The following NPSR1 variants were observed in gnomAD, a reference collection of about 807,000 sequenced individuals.
The protein encoded by NPSR1 is neuropeptide S receptor 1.
A neutral mutation model predicts 46.9 loss-of-function variants in NPSR1; 48 were observed. The observed-to-expected ratio is 1.02, with a 90% CI of 0.81 to 1.30. The LOEUF (loss-of-function observed/expected upper bound fraction) is 1.30. NPSR1 is among the 50% of genes most tolerant of loss of function. The pLI is 0.00. For missense variants in NPSR1, 450 were observed against 449.5 expected (o/e 1.00, Z -0.01); for synonymous variants, 176 against 168.1 (o/e 1.05, Z -0.36).
intron 4 of NPSR1, among the ~76,000 whole-genome samples, chr7:34,821,127 CTTTTTTTTTTTTT>C (rs35086136): frequency 1.1e-5 from 1 of 94,854 alleles, no homozygotes; most frequent in African/African-American, 4.0e-5. Flanking sequence ...TTGTGATACA[CTTTTTTTTTTTTT>C]TTTTTTTTTT....
intron 2 of NPSR1, among the ~76,000 whole-genome samples, chr7:34,694,966 T>C (rs1583825340): frequency 6.6e-6 from 1 of 152,114 alleles, no homozygotes; most frequent in Admixed American, 6.6e-5. Context: ...CCTCAGCCTC[T>C]CAAAGTGCTG....
In NPSR1 at chr7:34,849,685, G is replaced by C; in HGVS notation, c.*30G>C. Reference sequence around the variant, plus strand: ...TAGGGCAGTGCCAGTGCTAGGCTGAGCACCATCAGCTCTCCCAGGTCCTTG... The same window carrying C: ...TAGGGCAGTGCCAGTGCTAGGCTGACCACCATCAGCTCTCCCAGGTCCTTG... On this transcript the variant is annotated 3_prime_UTR_variant, in exon 9 of 9. Coordinates refer to ENST00000360581, the MANE Select transcript of NPSR1 (RefSeq NM_207172.2). 2 of 1,611,366 alleles carry C rather than the reference G, an allele frequency of 1.2e-6. No individual in the cohort carries two copies. The highest frequency in any genetic ancestry group is 1.7e-6 in the Non-Finnish European group (2 of 1,178,770).
At chr7:34,685,934 A>G (rs1417664344) in intron 2 of NPSR1, 2 of 216,998 alleles carry the variant, frequency 9.2e-6, no homozygotes, top group African/African-American at 4.8e-5. Context: ...TAACCGTAGA[A>G]GTAGAGGTAA....
chr7:34,833,438 G>A lies in NPSR1; in HGVS notation c.681-946G>A, dbSNP rs76459877. Among the ~76,000 whole-genome samples, 1,746 of 152,234 alleles carry A rather than the reference G, an allele frequency of 0.011. 165 individuals are homozygous for A. The East Asian group carries it at 0.24, about 21-fold the overall frequency. On this transcript the variant is annotated intron_variant, in intron 5 of 8. Coordinates refer to ENST00000360581, the MANE Select transcript of NPSR1 (RefSeq NM_207172.2). ...TAGTATAAAAAATAGGCAAAAAAGA[G>A]GAGAAAGGAAATTAGTCTCTACTAA...
At chr7:34,676,068 G>A (rs745548343) in intron 1 of NPSR1, among the ~76,000 whole-genome samples, 1 of 152,100 alleles carries the variant, frequency 6.6e-6, no homozygotes. Flanking sequence ...GTGAAATTCC[G>A]ATAGACTGGT....
rs1278448335 is a variant in NPSR1, at chr7:34,754,606, A to G, written c.281-23856A>G. 2.0e-5 allele frequency among the ~76,000 whole-genome samples: 3 copies of G among 151,882 alleles called. No individual in the cohort carries two copies. In the South Asian group the frequency reaches 6.3e-4, roughly 32 times the overall value. Reference sequence around the variant, plus strand: ...CAGGCTTCACCTAATTTTATATTTTATTTTTTCTTTTTATGAACAGCTTTA... The same window carrying G: ...CAGGCTTCACCTAATTTTATATTTTGTTTTTTCTTTTTATGAACAGCTTTA... On this transcript the variant is annotated intron_variant, in intron 2 of 8. Transcript: ENST00000360581.
At chr7:34,811,301 G>C (rs1477551019) in intron 3 of NPSR1, among the ~76,000 whole-genome samples, 1 of 152,132 alleles carries the variant, frequency 6.6e-6, no homozygotes, top group Admixed American at 6.5e-5. Flanking sequence ...ATCTTCCCCT[G>C]GAGTTTGGCT....
intron 4 of NPSR1, among the ~76,000 whole-genome samples, chr7:34,825,985 GT>G (rs958498580): frequency 2.2e-4 from 34 of 152,176 alleles, no homozygotes; most frequent in Non-Finnish European, 4.3e-4. Context: ...GGAATTTGGG[GT>G]TTTTTTATTG....
chr7:34,813,884 T>A (rs1789113616), intron 4 of NPSR1, among the ~76,000 whole-genome samples: 1 of 152,256 alleles, frequency 6.6e-6, no homozygotes, highest in South Asian at 2.1e-4. Flanking sequence ...CTGTACAGCA[T>A]AAGACATATG....
chr7:34,681,946 T>A (rs1792661308), intron 1 of NPSR1, among the ~76,000 whole-genome samples: 1 of 151,536 alleles, frequency 6.6e-6, no homozygotes, highest in Non-Finnish European at 1.5e-5. Context: ...CAAAGACACT[T>A]TTTGAGAGAG....
chr7:34,813,895 A>C (rs1257888187), intron 4 of NPSR1, among the ~76,000 whole-genome samples: 1 of 152,254 alleles, frequency 6.6e-6, no homozygotes, highest in Non-Finnish European at 1.5e-5. Context: ...AAGACATATG[A>C]GTAAAAATAC....
At chr7:34,846,954 T>C (rs1024939401) in intron 7 of NPSR1, among the ~76,000 whole-genome samples, 1 of 152,120 alleles carries the variant, frequency 6.6e-6, no homozygotes. Flanking sequence ...CTGTGAAAAC[T>C]TGAATCCTCC....
At chr7:34,855,034 A>G (rs1424188819) in intron 8 of NPSR1, among the ~76,000 whole-genome samples, 2 of 152,220 alleles carry the variant, frequency 1.3e-5, no homozygotes, top group African/African-American at 4.8e-5. Flanking sequence ...ACACTTCCGA[A>G]CAACTTATTG....
downstream of NPSR1, among the ~76,000 whole-genome samples, chr7:34,850,706 T>C (rs897174490): frequency 2.0e-5 from 3 of 152,092 alleles, no homozygotes; most frequent in African/African-American, 7.2e-5. Flanking sequence ...GGCCTGTCCT[T>C]GAGGCTTTCT....
At chr7:34,864,096 A>G (rs1182956286) in intron 8 of NPSR1, among the ~76,000 whole-genome samples, 3 of 151,778 alleles carry the variant, frequency 2.0e-5, no homozygotes, top group Admixed American at 6.5e-5. Context: ...GCTGGAAACC[A>G]TCATTCTCAG....
At chr7:34,674,850 G>A (rs1792236526) in intron 1 of NPSR1, among the ~76,000 whole-genome samples, 2 of 152,090 alleles carry the variant, frequency 1.3e-5, no homozygotes, top group Admixed American at 1.3e-4. Flanking sequence ...CAGTCCTGAG[G>A]GAGACAGTCA....
At chr7:34,804,070 T>TA (rs200940512) in intron 3 of NPSR1, among the ~76,000 whole-genome samples, 1,586 of 149,404 alleles carry the variant, frequency 0.011, 11 homozygotes, top group Middle Eastern at 0.024. Context: ...GTCAATCATT[T>TA]AAAAAAAAAA....
At chr7:34,805,639 A>C (rs1210049983) in intron 3 of NPSR1, among the ~76,000 whole-genome samples, 2 of 151,926 alleles carry the variant, frequency 1.3e-5, no homozygotes, top group Non-Finnish European at 2.9e-5. Context: ...TTTGTCTATG[A>C]GTTTTTAGAT....
rs561882703 is a variant in NPSR1 at position 34,857,116 on chromosome 7, A to G, written c.1025+8453A>G. Among the ~76,000 whole-genome samples the G allele has an allele frequency of 9.9e-5, 15 of 151,942 alleles. 1 individual carries two copies. The highest frequency in any genetic ancestry group is 3.6e-4 in the African/African-American group (15 of 41,218). ...CTATGGAGAAATTATAATACTATTG[A>G]GATATATTCTAAAAACTAATGAAAT... On this transcript the variant is annotated intron_variant, in intron 8 of 8. Transcript: ENST00000359791.
Sources: allele counts gnomAD v4.1 joint callset (sites outside exome capture counted in the v4.1 genomes callset), GRCh38; gene constraint gnomAD v4.1.1; transcripts MANE v1.5; gene names NCBI Gene and HGNC (gene_info 2026-07-23, HGNC 2026-07-21).